MPPED1: variants seen among roughly 807,000 people sequenced by gnomAD.
MPPED1 encodes metallophosphoesterase domain containing 1.
A neutral mutation model predicts 36.2 loss-of-function variants in MPPED1; 16 were observed. That is an observed-to-expected ratio of 0.44 (90% CI 0.30 to 0.67). The LOEUF (loss-of-function observed/expected upper bound fraction) is 0.67. Among genes scored for constraint, MPPED1 ranks in the 30% least tolerant of loss-of-function variants. The pLI is 0.10. For synonymous variants in MPPED1, 199 were observed against 191.3 expected, an observed-to-expected ratio of 1.04 and a Z score of -0.33; for missense variants, 307 against 453.4, an observed-to-expected ratio of 0.68 and a Z score of 2.93.
chr22:43,452,940 A>T (rs1217773120), intron 3 of MPPED1, among the ~76,000 whole-genome samples: 2 of 147,602 alleles, frequency 1.4e-5, no homozygotes, highest in Non-Finnish European at 3.0e-5. Flanking sequence ...ATATTTTAAA[A>T]ACAGGAACTT....
chr22:43,464,453 G>A lies in MPPED1; in HGVS notation c.407-10283G>A, dbSNP rs1014672198. ...TTTCTCCCCAGTTTTTGCTTTCCAAGTCTGGCTTCCAGATTTGATAGCTAA... is the reference window on the plus strand; with the variant it reads ...TTTCTCCCCAGTTTTTGCTTTCCAAATCTGGCTTCCAGATTTGATAGCTAA... On this transcript the variant is annotated intron_variant, in intron 3 of 6. Transcript: ENST00000443721. 2.0e-5 allele frequency among the ~76,000 whole-genome samples: 3 copies of A among 152,244 alleles called. No homozygotes were observed. The South Asian group carries it at 6.2e-4, about 32-fold the overall frequency.
chr22:43,413,324 G>C (rs1928970465), intron 1 of MPPED1, among the ~76,000 whole-genome samples: 1 of 152,104 alleles, frequency 6.6e-6, no homozygotes, highest in Admixed American at 6.5e-5. Flanking sequence ...TGCGGCGCCG[G>C]GGGGCGGGGG....
intron 3 of MPPED1, among the ~76,000 whole-genome samples, chr22:43,469,710 C>A (rs1393941848): frequency 1.3e-5 from 2 of 152,238 alleles, no homozygotes; most frequent in East Asian, 3.9e-4. Context: ...CAAAAAAATG[C>A]CCTGCCAGGG....
Position 43,480,863 on chromosome 22 carries a change from G to A in MPPED1, c.632+5902G>A, listed in dbSNP as rs144728716. Among the ~76,000 whole-genome samples, 742 of 142,732 alleles carry A rather than the reference G, an allele frequency of 5.2e-3. 3 individuals are homozygous for A. The highest frequency in any genetic ancestry group is 8.2e-3 in the Non-Finnish European group (547 of 66,652). The allele number at this position is 142,732 out of a possible 152,430, so 93.6% of individuals were successfully genotyped here. A position where few individuals can be genotyped will look rare whatever the true frequency, so the allele number is the denominator to read the frequency against. On this transcript the variant is annotated intron_variant, in intron 4 of 6. Coordinates refer to ENST00000443721, the MANE Select transcript of MPPED1 (RefSeq NM_001044370.2). ...TTTTGAGATGGAGTCTCACTCTGTC[G>A]CCTAGGTTAGAGTGCAATGGCATGA...
intron 4 of MPPED1, among the ~76,000 whole-genome samples, chr22:43,496,412 A>G (rs867250114): frequency 0.26 from 370 of 1,442 alleles, no homozygotes; most frequent in Non-Finnish European, 0.29. Flanking sequence ...GGAGGTGGTG[A>G]TGGAGGTGGT....
intron 3 of MPPED1, among the ~76,000 whole-genome samples, chr22:43,459,903 T>TA (rs1188693638): frequency 6.6e-6 from 1 of 152,044 alleles, no homozygotes; most frequent in Non-Finnish European, 1.5e-5. Context: ...GTGTTTCATT[T>TA]AAAAAAATAC....
At chr22:43,420,864 C>G (rs924217743) in intron 1 of MPPED1, among the ~76,000 whole-genome samples, 1 of 152,238 alleles carries the variant, frequency 6.6e-6, no homozygotes, top group Non-Finnish European at 1.5e-5. Context: ...GCAGGAGCCT[C>G]TTTGTTTTTC....
intron 4 of MPPED1, among the ~76,000 whole-genome samples, chr22:43,494,694 A>AGTGGTGGTGGTGGAG: frequency 7.3e-6 from 1 of 136,814 alleles, no homozygotes; most frequent in Admixed American, 7.4e-5. Flanking sequence ...TTTGATTCAC[A>AGTGGTGGTGGTGGAG]GTGGTGGTGG....
chr22:43,462,017 G>T (rs745929874), intron 3 of MPPED1, among the ~76,000 whole-genome samples: 30 of 152,070 alleles, frequency 2.0e-4, no homozygotes, highest in Non-Finnish European at 3.8e-4. Context: ...TGCTCAGCTG[G>T]ATCACCTGCC....
intron 6 of MPPED1, among the ~76,000 whole-genome samples, chr22:43,504,299 C>A (rs1255681484): frequency 2.6e-5 from 4 of 151,388 alleles, no homozygotes; most frequent in Admixed American, 6.6e-5. Flanking sequence ...ATAATAATGA[C>A]AGTGGTGTTG....
At chr22:43,481,640 C>G (rs548568802) in intron 4 of MPPED1, among the ~76,000 whole-genome samples, 1 of 152,270 alleles carries the variant, frequency 6.6e-6, no homozygotes, top group African/African-American at 2.4e-5. Flanking sequence ...GGGTTCCTCC[C>G]AGGCCTGTCA....
intron 4 of MPPED1, among the ~76,000 whole-genome samples, chr22:43,488,802 T>C (rs1489627765): frequency 6.6e-6 from 1 of 152,238 alleles, no homozygotes; most frequent in Non-Finnish European, 1.5e-5. Context: ...TAAAGCCGCC[T>C]TCCATGGCTT....
At chr22:43,481,269 T>C (rs1385145902) in intron 4 of MPPED1, among the ~76,000 whole-genome samples, 1 of 152,176 alleles carries the variant, frequency 6.6e-6, no homozygotes, top group Non-Finnish European at 1.5e-5. Context: ...CCTAGCACCA[T>C]GTGTAGAAAG....
chr22:43,483,769 A>AGG (rs1235395233), intron 4 of MPPED1, among the ~76,000 whole-genome samples: 1 of 152,052 alleles, frequency 6.6e-6, no homozygotes, highest in Admixed American at 6.5e-5. Flanking sequence ...GCCCAGTTTG[A>AGG]GGGTGCTCCC....
intron 4 of MPPED1, among the ~76,000 whole-genome samples, chr22:43,495,496 G>GCT (rs1932257824): frequency 4.6e-5 from 3 of 64,978 alleles, no homozygotes; most frequent in Non-Finnish European, 8.7e-5. Context: ...TGGAGGTAGT[G>GCT]GTGGTGGAGG....
chr22:43,466,285 A>G (rs1279557370), intron 3 of MPPED1, among the ~76,000 whole-genome samples: 4 of 152,016 alleles, frequency 2.6e-5, no homozygotes, highest in Non-Finnish European at 4.4e-5. Context: ...TCTGCAGCTC[A>G]TTGGGGGGTC....
intron 4 of MPPED1, among the ~76,000 whole-genome samples, chr22:43,496,034 G>C: frequency 2.1e-5 from 1 of 48,012 alleles, no homozygotes; most frequent in Non-Finnish European, 3.7e-5. Flanking sequence ...GATGGTGGAG[G>C]TGGTGGTGGT....
chr22:43,431,794 A>T (rs935616265), intron 2 of MPPED1, among the ~76,000 whole-genome samples: 2 of 152,212 alleles, frequency 1.3e-5, no homozygotes, highest in African/African-American at 4.8e-5. Flanking sequence ...TGTTGTTATT[A>T]TTTCAAAGTT....
chr22:43,425,253 C>T, intron 2 of MPPED1, 44 bp downstream of exon 2: 2 of 1,511,062 alleles, frequency 1.3e-6, no homozygotes, highest in East Asian at 2.4e-5. Context: ...GTGACGGCCC[C>T]CTGGGGTGGG....
Sources: allele counts gnomAD v4.1 joint callset (sites outside exome capture counted in the v4.1 genomes callset), GRCh38; gene constraint gnomAD v4.1.1; transcripts MANE v1.5; gene names NCBI Gene and HGNC (gene_info 2026-07-23, HGNC 2026-07-21).